The following POLR3A variants were observed in gnomAD, a reference collection of about 807,000 sequenced individuals.
The protein encoded by POLR3A is DNA-directed RNA polymerase III subunit RPC1.
Under a neutral mutation model 152.8 loss-of-function variants are expected in POLR3A, and 112 were observed. The observed-to-expected ratio is 0.73, with a 90% CI of 0.63 to 0.86. The LOEUF (loss-of-function observed/expected upper bound fraction) is 0.86, where lower values mean the gene tolerates loss of function less well. Ranked by LOEUF, POLR3A falls within the 40% of genes least tolerant of loss-of-function variation. POLR3A has a pLI of 0.00. For synonymous variants in POLR3A, 615 were observed against 652.1 expected (o/e 0.94, Z 0.87); for missense variants, 1,385 against 1,743.1 (o/e 0.79, Z 3.66).
Position 78,002,138 on chromosome 10 carries a change from G to A in POLR3A, c.2359+59C>T, listed in dbSNP as rs767811458. On this transcript the variant is annotated intron_variant, in intron 17 of 30. Coordinates refer to ENST00000372371, the MANE Select transcript of POLR3A (RefSeq NM_007055.4). Reference sequence around the variant, plus strand: ...GGAGCTGTGACTATCACATTTTCTGGAGCCAAACAGCCTGTACGGAGAACA... The same window carrying A: ...GGAGCTGTGACTATCACATTTTCTGAAGCCAAACAGCCTGTACGGAGAACA... 9 of 1,003,492 alleles carry A rather than the reference G, an allele frequency of 9.0e-6. 1 individual carries two copies. The highest frequency in any genetic ancestry group is 1.4e-5 in the Non-Finnish European group (9 of 662,290). 62.2% of individuals were successfully genotyped at this position (1,003,492 alleles called of 1,614,324 possible). A position where few individuals can be genotyped will look rare whatever the true frequency, so the allele number is the denominator to read the frequency against.
intron 19 of POLR3A, among the ~76,000 whole-genome samples, chr10:77,996,942 C>T (rs1032719206): frequency 3.3e-5 from 5 of 152,168 alleles, no homozygotes; most frequent in Non-Finnish European, 7.3e-5. Context: ...AATCCAGCAG[C>T]ACATCAAAAA....
chr10:78,010,109 G>A lies in POLR3A; in HGVS notation c.1643-118C>T, dbSNP rs12767179. 48,640 of 1,318,044 alleles carry A rather than the reference G, an allele frequency of 0.037. 1,115 individuals are homozygous for A. The highest frequency in any genetic ancestry group is 0.045 in the Non-Finnish European group (42,673 of 947,286). The allele number at this position is 1,318,044 out of a possible 1,614,324, so 81.6% of individuals were successfully genotyped here. On this transcript the variant is annotated intron_variant, in intron 12 of 30. Coordinates refer to ENST00000372371, the MANE Select transcript of POLR3A (RefSeq NM_007055.4). ...CCAACAGCGTGAATTGAAACAAACA[G>A]CTGCTTACTGGCTTTCTCCTCCAAC...
At chr10:78,017,804 A>G in intron 9 of POLR3A, 88 bp from the exon 10 acceptor site, 1 of 1,371,974 alleles carries the variant, frequency 7.3e-7, no homozygotes, top group Non-Finnish European at 1.0e-6. Context: ...AATCTTTAAT[A>G]TATTATTTCA....
At chr10:77,993,696 A>G (rs530823773) in intron 19 of POLR3A, among the ~76,000 whole-genome samples, 1 of 152,248 alleles carries the variant, frequency 6.6e-6, no homozygotes, top group East Asian at 1.9e-4. Flanking sequence ...TTTCTCCCTA[A>G]GGTATAAATT....
At position 77,977,543 on chromosome 10, in the gene POLR3A, G is replaced by A; in HGVS notation, c.4108C>T (p.Pro1370Ser). Residue 1370 changes from proline to serine, a missense_variant, in exon 31 of 31, where the codon CCG (proline) becomes TCG (serine). By Grantham distance (74) the Pro-to-Ser change is moderately conservative. Coordinates refer to ENST00000372371, the MANE Select transcript of POLR3A (RefSeq NM_007055.4). Reference sequence around the variant, plus strand: ...ATCAGGGGCCTCTTGGGAGGGTTCGGGTCCCTGTCAGCCTTGTGAAGCAGC... The same window carrying A: ...ATCAGGGGCCTCTTGGGAGGGTTCGAGTCCCTGTCAGCCTTGTGAAGCAGC... ...FKLLHKADRD[P>S]NPPKRPLIFD... 3 of 1,614,018 alleles carry A rather than the reference G, an allele frequency of 1.9e-6. No individual in the cohort carries two copies. Among genetic ancestry groups the A allele is most frequent in the Non-Finnish European group, 2.5e-6 (3 of 1,179,972 alleles).
At chr10:78,011,157 T>A (rs1847463134) in intron 11 of POLR3A, among the ~76,000 whole-genome samples, 1 of 152,154 alleles carries the variant, frequency 6.6e-6, no homozygotes, top group Non-Finnish European at 1.5e-5. Flanking sequence ...CCTATTGTTA[T>A]TACTATAGGT....
rs1381731457 is a variant in POLR3A at position 78,022,391 on chromosome 10, A to G, written c.646-7T>C. 6.2e-7 allele frequency: 1 copy of G among 1,613,168 alleles called. No individual in the cohort carries two copies. The highest frequency in any genetic ancestry group is 1.3e-5 in the African/African-American group (1 of 75,052). On this transcript the variant is annotated splice_region_variant and splice_polypyrimidine_tract_variant and intron_variant, in intron 5 of 30. Coordinates refer to ENST00000372371, the MANE Select transcript of POLR3A (RefSeq NM_007055.4). ...CTAAGGGATTCAAGTTTTCCTATGG[A>G]AACGAAGAAAGGCAGAAATGGAGAT...
chr10:78,026,497 C>T (rs1847636048), intron 1 of POLR3A, among the ~76,000 whole-genome samples: 1 of 152,210 alleles, frequency 6.6e-6, no homozygotes, highest in Non-Finnish European at 1.5e-5. Flanking sequence ...CCAATAAGAA[C>T]TTCCTCATTT....
chr10:77,991,897 T>C (rs1847253101), intron 20 of POLR3A, among the ~76,000 whole-genome samples: 2 of 152,242 alleles, frequency 1.3e-5, no homozygotes, highest in Non-Finnish European at 2.9e-5. Flanking sequence ...TTCTTTTGTA[T>C]AGACAGACCA....
intron 1 of POLR3A, among the ~76,000 whole-genome samples, chr10:78,027,125 TTACGTTGCA>T (rs1386924090): frequency 1.3e-5 from 2 of 152,182 alleles, no homozygotes; most frequent in Non-Finnish European, 2.9e-5. Flanking sequence ...AGGAATTACT[TTACGTTGCA>T]TGGTCAGAAA....
intron 16 of POLR3A, among the ~76,000 whole-genome samples, chr10:78,003,423 C>T (rs780839469): frequency 8.5e-5 from 13 of 152,196 alleles, no homozygotes; most frequent in African/African-American, 1.4e-4. Flanking sequence ...AGGCAGAAGA[C>T]GGCCAGGTGA....
At chr10:78,002,896 AC>A (rs1274872357) in intron 16 of POLR3A, among the ~76,000 whole-genome samples, 1 of 152,166 alleles carries the variant, frequency 6.6e-6, no homozygotes, top group Non-Finnish European at 1.5e-5. Context: ...TGTGTATACT[AC>A]CCTACACAAC....
intron 19 of POLR3A, among the ~76,000 whole-genome samples, chr10:77,996,436 G>T (rs1589308303): frequency 6.6e-6 from 1 of 152,196 alleles, no homozygotes; most frequent in Non-Finnish European, 1.5e-5. Flanking sequence ...AAGAAGAAAA[G>T]AGAGAAGAAT....
At chr10:78,020,729 C>G (rs1261472853) in intron 8 of POLR3A, among the ~76,000 whole-genome samples, 1 of 150,106 alleles carries the variant, frequency 6.7e-6, no homozygotes, top group African/African-American at 2.5e-5. Flanking sequence ...TGGAGCTTGC[C>G]GTAAGCAGAG....
intron 19 of POLR3A, among the ~76,000 whole-genome samples, chr10:77,999,101 T>C (rs11002362): frequency 0.034 from 5,187 of 151,720 alleles, 333 homozygotes; most frequent in African/African-American, 0.12. Context: ...AATTGAACAA[T>C]GAGAACACAT....
intron 21 of POLR3A, among the ~76,000 whole-genome samples, chr10:77,988,330 T>C (rs944969884): frequency 4.6e-5 from 7 of 152,132 alleles, no homozygotes; most frequent in African/African-American, 1.7e-4. Flanking sequence ...GAGACCAGCC[T>C]GGCCAACAAG....
chr10:78,008,068 C>T (rs1202222370), intron 14 of POLR3A, among the ~76,000 whole-genome samples: 1 of 152,068 alleles, frequency 6.6e-6, no homozygotes, highest in Non-Finnish European at 1.5e-5. Flanking sequence ...TATAGAAACT[C>T]CAGTTAGTGT....
At chr10:77,994,382 A>G (rs920517830) in intron 19 of POLR3A, among the ~76,000 whole-genome samples, 1 of 152,130 alleles carries the variant, frequency 6.6e-6, no homozygotes, top group Admixed American at 6.6e-5. Context: ...TCCAGCTTGC[A>G]AAGGGCCATG....
At chr10:78,010,663 G>C (rs1368446992) in intron 11 of POLR3A, 123 bp from the exon 12 acceptor site, 3 of 753,522 alleles carry the variant, frequency 4.0e-6, no homozygotes, top group Non-Finnish European at 7.1e-6. Context: ...ACGAGGCTGA[G>C]AAATGAAAGC....
Sources: allele counts gnomAD v4.1 joint callset (sites outside exome capture counted in the v4.1 genomes callset), GRCh38; gene constraint gnomAD v4.1.1; transcripts MANE v1.5; gene names NCBI Gene and HGNC (gene_info 2026-07-23, HGNC 2026-07-21).